Variants in UBE2E2 observed in about 807,000 individuals in gnomAD.
UBE2E2 encodes the protein ubiquitin-conjugating enzyme E2 E2.
A neutral mutation model predicts 24.7 loss-of-function variants in UBE2E2; 6 were observed. That is an observed-to-expected ratio of 0.24 (90% CI 0.13 to 0.48). UBE2E2 has a LOEUF of 0.48. Among genes scored for constraint, UBE2E2 ranks in the 20% least tolerant of loss-of-function variants. The pLI is 0.99. For synonymous variants in UBE2E2, 104 were observed against 83.6 expected (o/e 1.24, Z -1.33); for missense variants, 169 against 245.0 (o/e 0.69, Z 2.07).
chr3:23,494,668 G>C (rs1215529984), intron 3 of UBE2E2, among the ~76,000 whole-genome samples: 1 of 152,136 alleles, frequency 6.6e-6, no homozygotes, highest in Non-Finnish European at 1.5e-5. Flanking sequence ...TAAAATGTTA[G>C]AAGAGTCCAG....
At chr3:23,401,564 G>A (rs542764917) in intron 3 of UBE2E2, among the ~76,000 whole-genome samples, 2 of 152,220 alleles carry the variant, frequency 1.3e-5, no homozygotes, top group East Asian at 1.9e-4. Flanking sequence ...TTACTATGCT[G>A]TAAAGAAGCT....
At chr3:23,525,991 T>G (rs1322566456) in intron 4 of UBE2E2, among the ~76,000 whole-genome samples, 1 of 152,214 alleles carries the variant, frequency 6.6e-6, no homozygotes, top group Non-Finnish European at 1.5e-5. Context: ...TCCTTATCAG[T>G]TTGCAAGTAT....
At chr3:23,216,628 C>T (rs1430226057) in intron 2 of UBE2E2, among the ~76,000 whole-genome samples, 1 of 151,892 alleles carries the variant, frequency 6.6e-6, no homozygotes, top group African/African-American at 2.4e-5. Context: ...ATGTTAGATG[C>T]TGTTAAAAAT....
intron 4 of UBE2E2, among the ~76,000 whole-genome samples, chr3:23,524,464 C>T (rs932555039): frequency 6.6e-6 from 1 of 152,108 alleles, no homozygotes; most frequent in Non-Finnish European, 1.5e-5. Context: ...GTGGGTATAG[C>T]TGTTATTTTC....
intron 4 of UBE2E2, among the ~76,000 whole-genome samples, chr3:23,501,126 G>A (rs1699711372): frequency 6.6e-6 from 1 of 152,140 alleles, no homozygotes; most frequent in Non-Finnish European, 1.5e-5. Context: ...GGGATGTAAG[G>A]ACCTTTCTTT....
In UBE2E2 at chr3:23,208,692, G is replaced by C. The variant is rs765083253; in HGVS notation, c.-8G>C. The C allele has an allele frequency of 6.3e-7, 1 of 1,596,342 alleles. No homozygotes were observed. The highest frequency in any genetic ancestry group is 1.8e-5 in the Admixed American group (1 of 56,984). On this transcript the variant is annotated splice_region_variant and 5_prime_UTR_variant, in exon 2 of 6. Transcript: ENST00000396703. Reference sequence around the variant, plus strand: ...AATGATTTTTGATTCTTTAATCCAGGATCTAAAATGTCCACTGAGGCACAA... The same window carrying C: ...AATGATTTTTGATTCTTTAATCCAGCATCTAAAATGTCCACTGAGGCACAA...
At chr3:23,401,515 C>T (rs1697221505) in intron 3 of UBE2E2, among the ~76,000 whole-genome samples, 1 of 152,088 alleles carries the variant, frequency 6.6e-6, no homozygotes. Context: ...ATTTTATTTG[C>T]GCTCTTGTCT....
chr3:23,327,437 T>G (rs190042140), intron 3 of UBE2E2, among the ~76,000 whole-genome samples: 6 of 152,340 alleles, frequency 3.9e-5, no homozygotes, highest in Admixed American at 2.6e-4. Flanking sequence ...CACATAAAGT[T>G]TAATCTGCAA....
chr3:23,348,119 C>A (rs866916174), intron 3 of UBE2E2, among the ~76,000 whole-genome samples: 5 of 152,140 alleles, frequency 3.3e-5, no homozygotes, highest in Middle Eastern at 3.4e-3. Context: ...GTATGAATAA[C>A]CAATGTTTAC....
At chr3:23,531,405 A>G (rs1330048130) in intron 4 of UBE2E2, among the ~76,000 whole-genome samples, 1 of 152,252 alleles carries the variant, frequency 6.6e-6, no homozygotes, top group East Asian at 1.9e-4. Context: ...TGCCGTTTAC[A>G]TAACACTTTT....
At chr3:23,376,436 G>T (rs932892644) in intron 3 of UBE2E2, among the ~76,000 whole-genome samples, 5 of 152,188 alleles carry the variant, frequency 3.3e-5, no homozygotes, top group Non-Finnish European at 7.3e-5. Context: ...ATCTCACAGG[G>T]AGTATACTTG....
At chr3:23,410,843 A>C (rs1697479985) in intron 3 of UBE2E2, among the ~76,000 whole-genome samples, 1 of 152,196 alleles carries the variant, frequency 6.6e-6, no homozygotes, top group Non-Finnish European at 1.5e-5. Flanking sequence ...AAGTGTCTGT[A>C]AGGTGTTTTG....
chr3:23,350,286 G>A (rs1478320608), intron 3 of UBE2E2, among the ~76,000 whole-genome samples: 9 of 152,252 alleles, frequency 5.9e-5, no homozygotes, highest in Non-Finnish European at 1.2e-4. Context: ...AAGATGGGGA[G>A]AAAACAGAGC....
At chr3:23,432,101 T>A (rs1698074881) in intron 3 of UBE2E2, among the ~76,000 whole-genome samples, 1 of 152,154 alleles carries the variant, frequency 6.6e-6, no homozygotes. Context: ...CAGAAATCAG[T>A]TTTTCATTAA....
chr3:23,529,645 G>A (rs969160403), intron 4 of UBE2E2, among the ~76,000 whole-genome samples: 1 of 152,046 alleles, frequency 6.6e-6, no homozygotes, highest in Non-Finnish European at 1.5e-5. Flanking sequence ...TTTCCCTATT[G>A]AGTTGTTTTG....
intron 3 of UBE2E2, among the ~76,000 whole-genome samples, chr3:23,252,758 A>G (rs929415576): frequency 2.0e-5 from 3 of 152,314 alleles, no homozygotes; most frequent in South Asian, 2.1e-4. Context: ...CGGTCTCCCA[A>G]AGTGCTGGTA....
chr3:23,268,272 G>C (rs1239540390), intron 3 of UBE2E2, among the ~76,000 whole-genome samples: 2 of 148,864 alleles, frequency 1.3e-5, no homozygotes, highest in Non-Finnish European at 3.0e-5. Flanking sequence ...AATTGTCCCT[G>C]TTTGCAGATG....
intron 3 of UBE2E2, among the ~76,000 whole-genome samples, chr3:23,416,934 C>G (rs1697652227): frequency 6.6e-6 from 1 of 152,262 alleles, no homozygotes; most frequent in Non-Finnish European, 1.5e-5. Context: ...ACTGGTTATT[C>G]TAGTTAGCAA....
intron 3 of UBE2E2, among the ~76,000 whole-genome samples, chr3:23,483,226 T>C (rs1699292344): frequency 6.6e-6 from 1 of 152,254 alleles, no homozygotes; most frequent in Non-Finnish European, 1.5e-5. Context: ...AAATACAGTT[T>C]CATCATTTAC....
Sources: allele counts gnomAD v4.1 joint callset (sites outside exome capture counted in the v4.1 genomes callset), GRCh38; gene constraint gnomAD v4.1.1; transcripts MANE v1.5; gene names NCBI Gene and HGNC (gene_info 2026-07-23, HGNC 2026-07-21).